Variants in IPO11 observed in about 807,000 individuals in gnomAD.
IPO11 encodes importin 11.
A neutral mutation model predicts 143.2 loss-of-function variants in IPO11; 66 were observed. The ratio of observed to expected loss-of-function variants is 0.46; its 90% CI spans 0.38 to 0.57. The LOEUF (loss-of-function observed/expected upper bound fraction) is 0.57, where lower values mean the gene tolerates loss of function less well. Ranked by LOEUF, IPO11 falls within the 20% of genes least tolerant of loss-of-function variation. IPO11 has a pLI of 0.00. For synonymous variants in IPO11, 385 were observed against 377.8 expected, an observed-to-expected ratio of 1.02 and a Z score of -0.22; for missense variants, 1,026 against 1,141.0, an observed-to-expected ratio of 0.90 and a Z score of 1.45.
At chr5:62,566,853 T>C (rs985449532) in intron 27 of IPO11, among the ~76,000 whole-genome samples, 2 of 151,874 alleles carry the variant, frequency 1.3e-5, no homozygotes, top group Non-Finnish European at 2.9e-5. Flanking sequence ...TATATATATA[T>C]GTGTGTGTAT....
chr5:62,559,361 T>C (rs1379020240), intron 26 of IPO11, among the ~76,000 whole-genome samples: 1 of 152,120 alleles, frequency 6.6e-6, no homozygotes, highest in African/African-American at 2.4e-5. Flanking sequence ...GTTGTTTTGG[T>C]AGTGATAACA....
At position 62,483,110 on chromosome 5, in the gene IPO11, T is replaced by G; in HGVS notation, c.838T>G (p.Phe280Val). ...ATTTATTTTTCTACAGCTTTTGGAC[T>G]TCTTGGATCAGCATCCTTTTTCATT... ...IILFTKVLLD[F>V]LDQHPFSFTP... Residue 280 changes from phenylalanine (F) to valine (V), a missense_variant, in exon 10 of 30, where the codon TTC becomes GTC. Transcript: ENST00000325324. 1 of 1,583,652 alleles carries G rather than the reference T, an allele frequency of 6.3e-7. No homozygotes were observed.
chr5:62,511,227 C>G (rs1277257556), intron 19 of IPO11, among the ~76,000 whole-genome samples: 1 of 152,112 alleles, frequency 6.6e-6, no homozygotes, highest in Non-Finnish European at 1.5e-5. Context: ...AAAGTATCCT[C>G]CCTCTTTAAA....
At chr5:62,549,028 C>T (rs537999774) in intron 24 of IPO11, among the ~76,000 whole-genome samples, 27 of 151,994 alleles carry the variant, frequency 1.8e-4, no homozygotes, top group Admixed American at 1.8e-3. Flanking sequence ...GTGACTCTCT[C>T]GGTCTACTAG....
chr5:62,598,527 T>TTTCTTTCTTTCTTTCTTTC (rs1554057723), intron 28 of IPO11, among the ~76,000 whole-genome samples: 1 of 6,882 alleles, frequency 1.5e-4, no homozygotes, highest in Non-Finnish European at 2.2e-4. Context: ...TCTTTCTTTC[T>TTTCTTTCTTTCTTTCTTTC]TTTCTTTCTT....
At chr5:62,516,708 C>A (rs1742033027) in intron 20 of IPO11, among the ~76,000 whole-genome samples, 1 of 151,998 alleles carries the variant, frequency 6.6e-6, no homozygotes, top group Admixed American at 6.6e-5. Context: ...CTTTTTTTTA[C>A]TGTGGTAAAA....
At chr5:62,602,490 CTAA>C (rs1745542803) in intron 29 of IPO11, among the ~76,000 whole-genome samples, 1 of 152,028 alleles carries the variant, frequency 6.6e-6, no homozygotes, top group East Asian at 1.9e-4. Flanking sequence ...CATCATTTAA[CTAA>C]CTTTATTATA....
At chr5:62,606,320 A>C (rs890942041) in intron 29 of IPO11, among the ~76,000 whole-genome samples, 12 of 151,322 alleles carry the variant, frequency 7.9e-5, no homozygotes, top group Non-Finnish European at 1.6e-4. Flanking sequence ...GCCTCTAAAA[A>C]AAAAAAAAAT....
Position 62,484,000 on chromosome 5 carries a change from AT to A in IPO11, c.1022-5del. The A allele has an allele frequency of 6.3e-7, 1 of 1,588,604 alleles. No individual in the cohort carries two copies. The highest frequency in any genetic ancestry group is 8.5e-7 in the Non-Finnish European group (1 of 1,172,130). ...GCTATACAATTAACTTGGAAATTTCATTTTTCTAGATAGCAGCCCTGAAACT... is the reference window on the plus strand; with the variant it reads ...GCTATACAATTAACTTGGAAATTTCATTTTCTAGATAGCAGCCCTGAAACT... On this transcript the variant is annotated splice_polypyrimidine_tract_variant and intron_variant, in intron 10 of 29. Transcript: ENST00000325324.
intron 12 of IPO11, 114 bp downstream of exon 12, chr5:62,485,576 A>C: frequency 3.6e-5 from 31 of 866,064 alleles, no homozygotes; most frequent in African/African-American, 5.1e-5. Flanking sequence ...ATGGTGGCTC[A>C]CACTTTAATC....
intron 2 of IPO11, among the ~76,000 whole-genome samples, chr5:62,441,110 CATT>C (rs893481340): frequency 5.3e-5 from 8 of 152,068 alleles, no homozygotes; most frequent in African/African-American, 1.9e-4. Context: ...TAATTATAGT[CATT>C]ATTATTATTT....
rs1362785322 is a variant in IPO11 at position 62,586,764 on chromosome 5, AAAAAATATATATATATATAT to A, written c.2583-4811_2583-4792del. Among the ~76,000 whole-genome samples the A allele has an allele frequency of 3.3e-3, 278 of 83,126 alleles. 7 individuals are homozygous for A. The highest frequency in any genetic ancestry group is 0.013 in the African/African-American group (271 of 21,586). 54.5% of individuals were successfully genotyped at this position (83,126 alleles called of 152,430 possible). A position where few individuals can be genotyped will look rare whatever the true frequency, so the allele number is the denominator to read the frequency against. On this transcript the variant is annotated intron_variant, in intron 27 of 29. Coordinates refer to ENST00000325324, the MANE Select transcript of IPO11 (RefSeq NM_016338.5). ...AAAACTCAGTCTCCAAAAAAAAAAA[AAAAAATATATATATATATAT>A]ATATATATATATATATATTCATGAT... is the stretch of plus-strand genomic sequence containing the variant.
At chr5:62,588,443 G>A (rs903232030) in intron 27 of IPO11, among the ~76,000 whole-genome samples, 1 of 152,056 alleles carries the variant, frequency 6.6e-6, no homozygotes, top group African/African-American at 2.4e-5. Flanking sequence ...TTGTTGCCTA[G>A]GCTAGTCTTG....
At chr5:62,571,651 T>G (rs908332829) in intron 27 of IPO11, among the ~76,000 whole-genome samples, 10 of 152,176 alleles carry the variant, frequency 6.6e-5, no homozygotes, top group Non-Finnish European at 7.4e-5. Context: ...TTTCAGTTGA[T>G]TCTTCCAATA....
chr5:62,471,487 A>T (rs985122187), intron 7 of IPO11, among the ~76,000 whole-genome samples: 1 of 152,172 alleles, frequency 6.6e-6, no homozygotes, highest in Non-Finnish European at 1.5e-5. Flanking sequence ...AGGAAAAGAA[A>T]CTAAAAAATC....
chr5:62,614,796 G>A (rs531128310), intron 29 of IPO11, among the ~76,000 whole-genome samples: 9 of 152,286 alleles, frequency 5.9e-5, no homozygotes, highest in Non-Finnish European at 1.2e-4. Flanking sequence ...CTCTTAGTAC[G>A]CAGGTCCTTG....
chr5:62,438,132 G>A (rs1461830194), intron 2 of IPO11, among the ~76,000 whole-genome samples: 1 of 152,112 alleles, frequency 6.6e-6, no homozygotes, highest in Non-Finnish European at 1.5e-5. Flanking sequence ...TTTGTGACCA[G>A]GTCATAGAAT....
chr5:62,516,627 C>G (rs1742030360), intron 20 of IPO11, among the ~76,000 whole-genome samples: 1 of 152,070 alleles, frequency 6.6e-6, no homozygotes, highest in Non-Finnish European at 1.5e-5. Context: ...CTTTTAGTTA[C>G]AGATTCCTGT....
chr5:62,489,827 A>G (rs1386359467), intron 14 of IPO11, among the ~76,000 whole-genome samples: 1 of 152,236 alleles, frequency 6.6e-6, no homozygotes, highest in Non-Finnish European at 1.5e-5. Context: ...ATAAAATATT[A>G]CATCCATTTT....
Sources: allele counts gnomAD v4.1 joint callset (sites outside exome capture counted in the v4.1 genomes callset), GRCh38; gene constraint gnomAD v4.1.1; transcripts MANE v1.5; gene names NCBI Gene and HGNC (gene_info 2026-07-23, HGNC 2026-07-21).